The following ZNF536 variants were observed in gnomAD, a reference collection of about 807,000 sequenced individuals.
The protein encoded by ZNF536 is zinc finger protein 536.
ZNF536 carries 13 observed loss-of-function variants against 84.5 expected under a neutral mutation model. That is an observed-to-expected ratio of 0.15 (90% CI 0.10 to 0.24). The LOEUF (loss-of-function observed/expected upper bound fraction) is 0.24, where lower values mean the gene tolerates loss of function less well. Ranked by LOEUF, ZNF536 falls within the 10% of genes least tolerant of loss-of-function variation. ZNF536 has a pLI of 1.00. For synonymous variants in ZNF536, 811 were observed against 742.5 expected, an observed-to-expected ratio of 1.09 and a Z score of -1.50; for missense variants, 1,536 against 1,747.5, an observed-to-expected ratio of 0.88 and a Z score of 2.16.
At chr19:30,335,562 T>C (rs1600267989) in intron 2 of ZNF536, among the ~76,000 whole-genome samples, 1 of 152,166 alleles carries the variant, frequency 6.6e-6, no homozygotes, top group Non-Finnish European at 1.5e-5. Context: ...TCTGGTCTCC[T>C]GAACTGACCC....
At chr19:30,634,409 C>T (rs2048992728) in intron 1 of ZNF536, among the ~76,000 whole-genome samples, 1 of 152,130 alleles carries the variant, frequency 6.6e-6, no homozygotes, top group Admixed American at 6.5e-5. Context: ...TGGCTAAGAA[C>T]TTGACAAGCT....
At chr19:30,649,549 CTTTTTT>C (rs35137042) in intron 1 of ZNF536, among the ~76,000 whole-genome samples, 3 of 123,882 alleles carry the variant, frequency 2.4e-5, no homozygotes, top group Non-Finnish European at 1.7e-5. Context: ...CAGCATTTTC[CTTTTTT>C]TTTTTTTTTT....
chr19:30,414,223 C>T (rs928302283), intron 1 of ZNF536, among the ~76,000 whole-genome samples: 1 of 151,132 alleles, frequency 6.6e-6, no homozygotes, highest in Non-Finnish European at 1.5e-5. Context: ...ATATCTTTTC[C>T]ATTCTTAAAT....
chr19:30,326,122 G>T (rs1193908918), intron 2 of ZNF536, among the ~76,000 whole-genome samples: 1 of 152,226 alleles, frequency 6.6e-6, no homozygotes, highest in Admixed American at 6.5e-5. Context: ...TAGTGCTGGG[G>T]TCAGATGGTA....
intron 2 of ZNF536, among the ~76,000 whole-genome samples, chr19:30,483,946 T>C (rs889746226): frequency 4.6e-5 from 7 of 152,038 alleles, no homozygotes. Flanking sequence ...TCTCTGTGTG[T>C]TCAGCTCTCT....
chr19:30,631,877 G>A (rs1161090933), intron 1 of ZNF536, among the ~76,000 whole-genome samples: 2 of 152,224 alleles, frequency 1.3e-5, no homozygotes, highest in South Asian at 2.1e-4. Flanking sequence ...TCACCAGAGA[G>A]TCCATTTCAT....
In ZNF536 at chr19:30,278,014, G is replaced by A. The variant is rs183224205; in HGVS notation, c.-189-6058G>A. Among the ~76,000 whole-genome samples, 3 of 152,266 alleles carry A rather than the reference G, an allele frequency of 2.0e-5. No homozygotes were observed. In the East Asian group the frequency reaches 5.8e-4, roughly 29 times the overall value. ...CTCTCTGGGCCCTGTCCTCTCCTAC[G>A]CGGGCTTCGTGCTGGTGACTTGGGA... On this transcript the variant is annotated intron_variant, in intron 1 of 5. Transcript: ENST00000585628.
rs1465592751 is a variant in ZNF536 at position 30,287,658 on chromosome 19, ATGGATGGGTGGG to A, written c.-120+3525_-120+3536del. ...GGTGGGTGGATGGATGGGTGGGTGG[ATGGATGGGTGGG>A]TGGATGGATGGATGGATGGATGGAT... On this transcript the variant is annotated intron_variant, in intron 2 of 5. Coordinates refer to the ZNF536 transcript ENST00000585628. Among the ~76,000 whole-genome samples the A allele has an allele frequency of 9.2e-3, 705 of 76,314 alleles. 7 individuals carry two copies. Among genetic ancestry groups the A allele is most frequent in the African/African-American group, 0.049 (639 of 13,106 alleles). 50.1% of individuals were successfully genotyped at this position (76,314 alleles called of 152,430 possible). A position where few individuals can be genotyped will look rare whatever the true frequency, so the allele number is the denominator to read the frequency against.
At chr19:30,607,335 TA>T (rs2047937022) in intron 1 of ZNF536, among the ~76,000 whole-genome samples, 1 of 152,208 alleles carries the variant, frequency 6.6e-6, no homozygotes. Flanking sequence ...GTGATGGGGA[TA>T]TTTTTATTAT....
At chr19:30,357,568 G>A (rs1017441858) in intron 3 of ZNF536, among the ~76,000 whole-genome samples, 31 of 152,174 alleles carry the variant, frequency 2.0e-4, no homozygotes, top group Non-Finnish European at 3.4e-4. Flanking sequence ...GGTGGCCTTC[G>A]TTTTCCTCTG....
intron 1 of ZNF536, among the ~76,000 whole-genome samples, chr19:30,418,988 C>T (rs997806137): frequency 7.9e-5 from 12 of 152,192 alleles, no homozygotes; most frequent in Admixed American, 3.3e-4. Flanking sequence ...ATTAGAGAAA[C>T]GATGCGTGTC....
chr19:30,636,361 T>C (rs1462085822), intron 1 of ZNF536, among the ~76,000 whole-genome samples: 1 of 152,154 alleles, frequency 6.6e-6, no homozygotes, highest in African/African-American at 2.4e-5. Context: ...CGGATGCGTG[T>C]CCTGGCTCCA....
intron 2 of ZNF536, among the ~76,000 whole-genome samples, chr19:30,286,085 C>T (rs2045615114): frequency 6.6e-6 from 1 of 152,148 alleles, no homozygotes; most frequent in South Asian, 2.1e-4. Context: ...TCTCTCCCTC[C>T]TCCTCTGCCA....
chr19:30,407,088 A>T (rs2050289856), intron 1 of ZNF536, among the ~76,000 whole-genome samples: 1 of 152,182 alleles, frequency 6.6e-6, no homozygotes, highest in African/African-American at 2.4e-5. Flanking sequence ...GGGTCACAGC[A>T]GGTGGCTGGA....
chr19:30,553,055 G>A, intron 4 of ZNF536, among the ~76,000 whole-genome samples: 1 of 152,294 alleles, frequency 6.6e-6, no homozygotes, highest in Admixed American at 6.5e-5. Context: ...TGGGTCACAT[G>A]TCTTTATTCT....
At chr19:30,228,363 G>A (rs1476796499), upstream of ZNF536, 4 of 152,114 alleles carry the variant, frequency 2.6e-5, no homozygotes, top group East Asian at 7.8e-4. This position sits in a 1 kb window ranked among gnomAD's most constrained non-coding sequence, Gnocchi z 4.5. Context: ...CCGGGGTCGG[G>A]TTTGATGGTG....
intron 3 of ZNF536, among the ~76,000 whole-genome samples, chr19:30,541,354 G>A (rs375852604): frequency 5.1e-4 from 77 of 151,234 alleles, no homozygotes; most frequent in African/African-American, 1.8e-3. Flanking sequence ...AAGAGAGCAT[G>A]CATTTTTGCC....
chr19:30,554,150 G>A (rs1001804688), intron 4 of ZNF536: 1 of 147,460 alleles, frequency 6.8e-6, no homozygotes, highest in Non-Finnish European at 1.5e-5. Flanking sequence ...TATGTGTGAT[G>A]AGATGAACCA....
In ZNF536 at chr19:30,622,018, A is replaced by G. The variant is rs114971670; in HGVS notation, c.169+72504A>G. Among the ~76,000 whole-genome samples, 429 of 152,362 alleles carry G rather than the reference A, an allele frequency of 2.8e-3. 2 individuals carry two copies. The highest frequency in any genetic ancestry group is 9.3e-3 in the African/African-American group (388 of 41,586). ...ATAAGTTTCTGGCTTCTGCACTTAA[A>G]TGGAAACCTTTAGTAATCAAAACTA... On this transcript the variant is annotated intron_variant, in intron 1 of 1. Coordinates refer to the ZNF536 transcript ENST00000592773.
Sources: allele counts gnomAD v4.1 joint callset (sites outside exome capture counted in the v4.1 genomes callset), GRCh38; gene constraint gnomAD v4.1.1; non-coding constraint Gnocchi (gnomAD v3.1); transcripts MANE v1.5; gene names NCBI Gene and HGNC (gene_info 2026-07-23, HGNC 2026-07-21).